The following PARD3 variants were observed in gnomAD, a reference collection of about 807,000 sequenced individuals.
The protein encoded by PARD3 is partitioning defective 3 homolog.
A neutral mutation model predicts 155.4 loss-of-function variants in PARD3; 75 were observed. The observed-to-expected ratio is 0.48, with a 90% confidence interval of 0.40 to 0.58. PARD3 has a LOEUF of 0.58. Among genes scored for constraint, PARD3 ranks in the 20% least tolerant of loss-of-function variants. PARD3 has a pLI of 0.00. For missense variants in PARD3, 1,642 were observed against 1,721.7 expected, an observed-to-expected ratio of 0.95 and a Z score of 0.82; for synonymous variants, 576 against 610.5, an observed-to-expected ratio of 0.94 and a Z score of 0.83.
intron 12 of PARD3, among the ~76,000 whole-genome samples, chr10:34,363,607 T>C (rs952748789): frequency 2.0e-5 from 3 of 152,248 alleles, no homozygotes; most frequent in Non-Finnish European, 2.9e-5. Flanking sequence ...TATAGGAATC[T>C]CCATATTCTG....
intron 7 of PARD3, among the ~76,000 whole-genome samples, chr10:34,389,485 A>G (rs1842677722): frequency 6.6e-6 from 1 of 152,238 alleles, no homozygotes; most frequent in African/African-American, 2.4e-5. Context: ...AACCAATGAT[A>G]AAACTGAAAA....
chr10:34,766,617 C>CAAAAAA (rs34958448), intron 1 of PARD3, among the ~76,000 whole-genome samples: 1 of 81,780 alleles, frequency 1.2e-5, no homozygotes, highest in African/African-American at 4.6e-5. Context: ...ACTTAATTGA[C>CAAAAAA]AAAAAAAAAA....
intron 20 of PARD3, among the ~76,000 whole-genome samples, chr10:34,296,377 C>T (rs971186795): frequency 2.0e-5 from 3 of 152,124 alleles, no homozygotes; most frequent in East Asian, 1.9e-4. Context: ...ACTATAGGCA[C>T]GTACCACCAC....
At chr10:34,720,226 G>T (rs752627164) in intron 1 of PARD3, among the ~76,000 whole-genome samples, 2 of 152,154 alleles carry the variant, frequency 1.3e-5, no homozygotes, top group Non-Finnish European at 2.9e-5. Flanking sequence ...TGAGTGTCAG[G>T]CGTTCAAGAC....
chr10:34,786,931 A>G (rs1841039921), intron 1 of PARD3, among the ~76,000 whole-genome samples: 1 of 152,118 alleles, frequency 6.6e-6, no homozygotes, highest in Admixed American at 6.5e-5. Flanking sequence ...AGACAGTTGC[A>G]ATGCTCTAAA....
chr10:34,699,269 T>C (rs891140811), intron 1 of PARD3, among the ~76,000 whole-genome samples: 9 of 152,154 alleles, frequency 5.9e-5, no homozygotes, highest in African/African-American at 2.2e-4. Flanking sequence ...ATATGACGTT[T>C]TGAAAAGAAC....
At chr10:34,171,777 C>T (rs542650891) in intron 22 of PARD3, among the ~76,000 whole-genome samples, 31 of 151,620 alleles carry the variant, frequency 2.0e-4, no homozygotes, top group Admixed American at 2.0e-3. Context: ...TGGTGAAATC[C>T]CGTTTCTACT....
chr10:34,716,146 A>G (rs1012550325), intron 1 of PARD3, among the ~76,000 whole-genome samples: 19 of 152,212 alleles, frequency 1.2e-4, no homozygotes, highest in Non-Finnish European at 2.2e-4. Flanking sequence ...CCTTACATAC[A>G]TGGTTAGTTC....
intron 1 of PARD3, among the ~76,000 whole-genome samples, chr10:34,811,612 T>C (rs1844188203): frequency 6.6e-6 from 1 of 152,236 alleles, no homozygotes; most frequent in Non-Finnish European, 1.5e-5. Context: ...TGTATCACAG[T>C]GGTGCCAATT....
intron 1 of PARD3, among the ~76,000 whole-genome samples, chr10:34,790,779 T>C (rs531066825): frequency 6.6e-6 from 1 of 152,364 alleles, no homozygotes; most frequent in South Asian, 2.1e-4. Flanking sequence ...AAAAACTGAC[T>C]GCATTTCTTT....
At chr10:34,536,120 G>A (rs927528112) in intron 2 of PARD3, among the ~76,000 whole-genome samples, 18 of 152,070 alleles carry the variant, frequency 1.2e-4, no homozygotes, top group Admixed American at 3.3e-4. Flanking sequence ...AAAGACTTTG[G>A]TGTCTCTCCC....
At chr10:34,794,573 G>C (rs1296118849) in intron 1 of PARD3, among the ~76,000 whole-genome samples, 1 of 152,112 alleles carries the variant, frequency 6.6e-6, no homozygotes, top group East Asian at 1.9e-4. Flanking sequence ...ATGAACTTGG[G>C]GGTACTACTG....
chr10:34,627,383 A>C lies in PARD3; in HGVS notation c.222+68935T>G, dbSNP rs760926637. Among the ~76,000 whole-genome samples the C allele has an allele frequency of 1.1e-4, 17 of 152,214 alleles. 1 individual carries two copies. The highest frequency in any genetic ancestry group is 1.6e-4 in the Non-Finnish European group (11 of 68,042). On this transcript the variant is annotated intron_variant, in intron 2 of 24. Transcript: ENST00000374788. ...CCTCTCCCGACAAAAAAATATGTGAAGTCCTAAACTCCAGTATGTCAGAAT... is the reference window on the plus strand; with the variant it reads ...CCTCTCCCGACAAAAAAATATGTGACGTCCTAAACTCCAGTATGTCAGAAT...
chr10:34,608,179 G>A (rs1426369210), intron 2 of PARD3, among the ~76,000 whole-genome samples: 1 of 152,172 alleles, frequency 6.6e-6, no homozygotes, highest in Admixed American at 6.5e-5. Flanking sequence ...CAGAGCAGGG[G>A]ATTTCAGTTC....
At chr10:34,432,340 AC>A (rs2075986219) in intron 5 of PARD3, among the ~76,000 whole-genome samples, 2 of 28,226 alleles carry the variant, frequency 7.1e-5, no homozygotes, top group Admixed American at 4.1e-4. Flanking sequence ...GTGCACATAC[AC>A]ACACACACAC....
chr10:34,403,546 G>C (rs535286720), intron 5 of PARD3, among the ~76,000 whole-genome samples: 8 of 152,118 alleles, frequency 5.3e-5, no homozygotes, highest in Non-Finnish European at 7.4e-5. Flanking sequence ...TTTCCTTTGC[G>C]AATCTATGAG....
Position 34,814,987 on chromosome 10 carries a change from C to G in PARD3, c.9G>C (p.Val3=). 3 of 1,507,418 alleles carry G rather than the reference C, an allele frequency of 2.0e-6. 1 individual carries two copies. Among genetic ancestry groups the G allele is most frequent in the Middle Eastern group, 3.9e-4 (2 of 5,120 alleles). 93.4% of individuals were successfully genotyped at this position (1,507,418 alleles called of 1,614,324 possible). The change falls in exon 1 of 25, where the codon GTG becomes GTC. Residue 3 remains valine (V), a synonymous_variant. Coordinates refer to ENST00000374788, the MANE Select transcript of PARD3 (RefSeq NM_001184785.2). ...CCCGGGTCCGTCCGAAGCACACGGT[C>G]ACTTTCATGCCGCCGCCGCCGCGGG... MK[V]TVCFGRTRVV...
At chr10:34,608,613 C>T (rs1049749228) in intron 2 of PARD3, among the ~76,000 whole-genome samples, 3 of 149,352 alleles carry the variant, frequency 2.0e-5, no homozygotes, top group African/African-American at 7.5e-5. Context: ...TGGCTCACTG[C>T]AACCTCCACC....
At chr10:34,708,098 C>G (rs2094394124) in intron 1 of PARD3, among the ~76,000 whole-genome samples, 1 of 152,180 alleles carries the variant, frequency 6.6e-6, no homozygotes, top group African/African-American at 2.4e-5. Context: ...CAGCATCCTC[C>G]TGATTGAACC....
Sources: allele counts gnomAD v4.1 joint callset (sites outside exome capture counted in the v4.1 genomes callset), GRCh38; gene constraint gnomAD v4.1.1; transcripts MANE v1.5; gene names NCBI Gene and HGNC (gene_info 2026-07-23, HGNC 2026-07-21).